Variants in CDH18 observed in about 807,000 individuals in gnomAD.
CDH18 encodes the protein cadherin-18.
Under a neutral mutation model 67.9 loss-of-function variants are expected in CDH18, and 31 were observed. The observed-to-expected ratio is 0.46, with a 90% CI of 0.34 to 0.62. The LOEUF (loss-of-function observed/expected upper bound fraction) is 0.62. Ranked by LOEUF, CDH18 falls within the 20% of genes least tolerant of loss-of-function variation. CDH18 has a pLI of 0.01. For synonymous variants in CDH18, 362 were observed against 347.2 expected (o/e 1.04, Z -0.48); for missense variants, 890 against 975.5 (o/e 0.91, Z 1.17).
At chr5:20,001,573 G>T (rs988803142) in intron 2 of CDH18, among the ~76,000 whole-genome samples, 2 of 152,232 alleles carry the variant, frequency 1.3e-5, no homozygotes, top group South Asian at 4.1e-4. Context: ...ATTCCATATT[G>T]CCAGGGTTAA....
At chr5:20,400,962 T>G (rs1745718264) in intron 1 of CDH18, among the ~76,000 whole-genome samples, 1 of 152,220 alleles carries the variant, frequency 6.6e-6, no homozygotes, top group Admixed American at 6.6e-5. Flanking sequence ...CACACCTTAC[T>G]TATTCTTTAC....
At chr5:20,064,549 G>A (rs1742801333) in intron 2 of CDH18, among the ~76,000 whole-genome samples, 1 of 152,046 alleles carries the variant, frequency 6.6e-6, no homozygotes, top group African/African-American at 2.4e-5. Flanking sequence ...TTTTATTTGT[G>A]TGTTTACAGA....
chr5:19,796,414 C>G (rs2149831664), intron 3 of CDH18, among the ~76,000 whole-genome samples: 1 of 152,172 alleles, frequency 6.6e-6, no homozygotes, highest in East Asian at 1.9e-4. Context: ...CTTAAAAAAC[C>G]TGGTGCAGTA....
rs185778482 is a variant in CDH18, at chr5:19,505,224, C to T, written c.1513-2115G>A. On this transcript the variant is annotated intron_variant, in intron 10 of 12. Coordinates refer to ENST00000382275, the MANE Select transcript of CDH18 (RefSeq NM_004934.5). ...AGCTTAAGGAGATTTTGGGCTGAGA[C>T]GATGGGGTTTTCTAGATATACAATT... Among the ~76,000 whole-genome samples, 209 of 152,124 alleles carry T rather than the reference C, an allele frequency of 1.4e-3. 2 individuals are homozygous for T. Among genetic ancestry groups the T allele is most frequent in the African/African-American group, 4.3e-3 (179 of 41,518 alleles).
chr5:19,875,650 A>G (rs1034209559), intron 2 of CDH18, among the ~76,000 whole-genome samples: 51 of 151,938 alleles, frequency 3.4e-4, no homozygotes, highest in African/African-American at 1.1e-3. Context: ...AATTTTGCCT[A>G]TTTTTAAACA....
At chr5:20,207,129 T>A (rs1307422951) in intron 2 of CDH18, among the ~76,000 whole-genome samples, 1 of 151,726 alleles carries the variant, frequency 6.6e-6, no homozygotes, top group Non-Finnish European at 1.5e-5. Flanking sequence ...TCAGAACTAA[T>A]ATACAAATTC....
intron 3 of CDH18, among the ~76,000 whole-genome samples, chr5:19,788,239 T>C (rs966289954): frequency 1.3e-5 from 2 of 152,134 alleles, no homozygotes; most frequent in Non-Finnish European, 2.9e-5. Context: ...TTTTTCTACA[T>C]GAAGCACACA....
chr5:20,056,734 A>G (rs1327695285), intron 2 of CDH18, among the ~76,000 whole-genome samples: 8 of 118,726 alleles, frequency 6.7e-5, no homozygotes, highest in Non-Finnish European at 1.3e-4. Context: ...CCCAGGCTGG[A>G]GTGCGGTGGT....
Position 19,951,763 on chromosome 5 carries a change from G to A in CDH18, c.-257+29297C>T, listed in dbSNP as rs190324529. ...TTTTCAACTATGCAGGTGGGGAGGA[G>A]GAAAGGTGCCAGCTGTTTGTTATCA... On this transcript the variant is annotated intron_variant, in intron 2 of 12. Coordinates refer to ENST00000382275, the MANE Select transcript of CDH18 (RefSeq NM_004934.5). Among the ~76,000 whole-genome samples, 100 of 152,198 alleles carry A rather than the reference G, an allele frequency of 6.6e-4. 2 individuals carry two copies. In the East Asian group the frequency reaches 0.012, roughly 18 times the overall value.
chr5:20,450,859 A>T (rs1300405761), intron 1 of CDH18, among the ~76,000 whole-genome samples: 1 of 152,180 alleles, frequency 6.6e-6, no homozygotes, highest in African/African-American at 2.4e-5. Context: ...TGGCTAGGAA[A>T]GCCTCATAAT....
intron 1 of CDH18, among the ~76,000 whole-genome samples, chr5:20,422,907 A>G (rs891029236): frequency 2.6e-5 from 4 of 151,100 alleles, no homozygotes; most frequent in Admixed American, 1.3e-4. Context: ...GGTTTATGCC[A>G]GATTAAAAGA....
intron 5 of CDH18, among the ~76,000 whole-genome samples, chr5:19,658,748 C>T (rs969372275): frequency 6.6e-6 from 1 of 151,498 alleles, no homozygotes; most frequent in African/African-American, 2.4e-5. Flanking sequence ...GTGTGCTGCA[C>T]CCATTAACTC....
At chr5:20,505,033 C>G (rs755569686) in intron 1 of CDH18, among the ~76,000 whole-genome samples, 21 of 151,848 alleles carry the variant, frequency 1.4e-4, no homozygotes, top group Non-Finnish European at 2.9e-4. Context: ...TCCCAAAGTG[C>G]TGGGATTACA....
intron 1 of CDH18, among the ~76,000 whole-genome samples, chr5:20,301,497 C>T: frequency 6.6e-6 from 1 of 152,074 alleles, no homozygotes; most frequent in South Asian, 2.1e-4. Context: ...TTGGAAAAGA[C>T]CTCCCCATCA....
chr5:19,782,465 A>G (rs1253342158), intron 3 of CDH18, among the ~76,000 whole-genome samples: 2 of 152,130 alleles, frequency 1.3e-5, no homozygotes, highest in Non-Finnish European at 2.9e-5. Flanking sequence ...GAGAGGAGTA[A>G]GGCAAAAGGG....
At chr5:19,629,600 A>C (rs1308582855) in intron 5 of CDH18, among the ~76,000 whole-genome samples, 1 of 152,190 alleles carries the variant, frequency 6.6e-6, no homozygotes, top group African/African-American at 2.4e-5. Flanking sequence ...ATAAAAGTCA[A>C]TCTATCTAAT....
At chr5:19,878,365 A>G (rs1293463101) in intron 2 of CDH18, among the ~76,000 whole-genome samples, 2 of 152,086 alleles carry the variant, frequency 1.3e-5, no homozygotes, top group Non-Finnish European at 2.9e-5. Context: ...TATTTATATT[A>G]TTCTTTGCTA....
In CDH18 at chr5:20,031,944, TGAAC is replaced by T. The variant is rs1220120125; in HGVS notation, c.-517-39934_-517-39931del. 2.0e-5 allele frequency among the ~76,000 whole-genome samples: 3 copies of T among 151,938 alleles called. No homozygotes were observed. The East Asian group carries it at 5.8e-4, about 30-fold the overall frequency. The stretch of plus-strand genomic sequence containing the variant: ...ATAGAGTGTCCAACATCTGTAACAA[TGAAC>T]GGTGACATCTGGGGAATGTGGGGAG... On this transcript the variant is annotated intron_variant, in intron 2 of 14. Transcript: ENST00000507958.
chr5:19,796,252 A>G (rs1776836182), intron 3 of CDH18, among the ~76,000 whole-genome samples: 1 of 152,138 alleles, frequency 6.6e-6, no homozygotes, highest in Admixed American at 6.6e-5. Context: ...TTAAATTCAA[A>G]CAAATCCACA....
Sources: allele counts gnomAD v4.1 joint callset (sites outside exome capture counted in the v4.1 genomes callset), GRCh38; gene constraint gnomAD v4.1.1; transcripts MANE v1.5; gene names NCBI Gene and HGNC (gene_info 2026-07-23, HGNC 2026-07-21).